UTRN: variants seen among roughly 807,000 people sequenced by gnomAD.
The protein encoded by UTRN is utrophin.
A neutral mutation model predicts 463.9 loss-of-function variants in UTRN; 283 were observed. The ratio of observed to expected loss-of-function variants is 0.61; its 90% CI spans 0.55 to 0.67. The LOEUF (loss-of-function observed/expected upper bound fraction) is 0.67. Ranked by LOEUF, UTRN falls within the 30% of genes least tolerant of loss-of-function variation. The pLI is 0.00. For missense variants in UTRN, 3,922 were observed against 4,084.3 expected (o/e 0.96, Z 1.08); for synonymous variants, 1,442 against 1,431.5 (o/e 1.01, Z -0.17).
At chr6:144,559,713 A>C (rs1011963932) in intron 50 of UTRN, among the ~76,000 whole-genome samples, 2 of 151,874 alleles carry the variant, frequency 1.3e-5, no homozygotes, top group Non-Finnish European at 2.9e-5. Flanking sequence ...TCATCTTCCC[A>C]TGAAATTTTA....
intron 19 of UTRN, among the ~76,000 whole-genome samples, chr6:144,456,746 T>C (rs1788871939): frequency 6.6e-6 from 1 of 151,708 alleles, no homozygotes; most frequent in African/African-American, 2.4e-5. Flanking sequence ...TACTTGGTTT[T>C]CTTCGTTTAG....
chr6:144,730,408 G>A lies in UTRN; in HGVS notation c.7861G>A (p.Asp2621Asn), dbSNP rs372229603. The part of the protein sequence containing the change: ...EKEYSVLNAV[D>N]QARVFLADQP... Reference sequence around the variant, plus strand: ...AGAATATTCTGTCCTGAATGCTGTCGACCAGGCCCGAGTTTTCTTGGCTGA... The same window carrying A: ...AGAATATTCTGTCCTGAATGCTGTCAACCAGGCCCGAGTTTTCTTGGCTGA... Residue 2621 changes from aspartate (D) to asparagine (N), a missense_variant, in exon 54 of 75, where the codon GAC becomes AAC. This residue lies in a region of UTRN where 1,309 missense variants were observed against 1,452.6 expected (regional missense o/e 0.90). Transcript: ENST00000367545. 3.1e-6 allele frequency: 5 copies of A among 1,612,010 alleles called. No individual in the cohort carries two copies. The highest frequency in any genetic ancestry group is 1.1e-5 in the South Asian group (1 of 90,886).
intron 34 of UTRN, among the ~76,000 whole-genome samples, chr6:144,505,367 C>T (rs1794609370): frequency 6.6e-6 from 1 of 152,216 alleles, no homozygotes; most frequent in South Asian, 2.1e-4. Context: ...TTAGATCTTT[C>T]CTGCTTTCTC....
intron 58 of UTRN, among the ~76,000 whole-genome samples, chr6:144,763,094 G>A (rs903443970): frequency 1.1e-4 from 17 of 152,046 alleles, no homozygotes; most frequent in African/African-American, 3.9e-4. Context: ...TAAATACAAT[G>A]TACAATATCA....
intron 2 of UTRN, among the ~76,000 whole-genome samples, chr6:144,343,748 A>C (rs1324484516): frequency 6.6e-6 from 1 of 152,162 alleles, no homozygotes; most frequent in Non-Finnish European, 1.5e-5. Flanking sequence ...ATAGTGAAAT[A>C]ATAAGTCCAA....
At chr6:144,411,199 C>G (rs1429674933) in intron 3 of UTRN, among the ~76,000 whole-genome samples, 1 of 152,198 alleles carries the variant, frequency 6.6e-6, no homozygotes, top group African/African-American at 2.4e-5. Context: ...GTTCCCTTTT[C>G]ACTGCATCCT....
chr6:144,413,792 T>TTATATTATAATAAATTTATA (rs1192655789), intron 3 of UTRN, among the ~76,000 whole-genome samples: 3 of 152,086 alleles, frequency 2.0e-5, no homozygotes, highest in African/African-American at 7.2e-5. Flanking sequence ...TATTATAAAT[T>TTATATTATAATAAATTTATA]TATCATTATT....
chr6:144,696,554 T>TAATATG (rs1784021126), intron 52 of UTRN, among the ~76,000 whole-genome samples: 1 of 152,208 alleles, frequency 6.6e-6, no homozygotes, highest in Admixed American at 6.5e-5. Context: ...TCTTAATTCC[T>TAATATG]TTCCTGGGAG....
chr6:144,826,175 A>G (rs922107878), intron 66 of UTRN, among the ~76,000 whole-genome samples: 8 of 151,678 alleles, frequency 5.3e-5, no homozygotes, highest in African/African-American at 1.9e-4. Context: ...TAAATAAATA[A>G]ATAAATAAAT....
At chr6:144,304,278 C>T (rs1301138475) in intron 2 of UTRN, among the ~76,000 whole-genome samples, 1 of 152,102 alleles carries the variant, frequency 6.6e-6, no homozygotes, top group African/African-American at 2.4e-5. Flanking sequence ...TGCAAGCATT[C>T]TTGGGTTGTC....
intron 2 of UTRN, among the ~76,000 whole-genome samples, chr6:144,343,411 A>ACACACACACACACACAC (rs1562270899): frequency 7.9e-6 from 1 of 126,114 alleles, no homozygotes; most frequent in African/African-American, 3.6e-5. Flanking sequence ...CACACACACA[A>ACACACACACACACACAC]TAGCCGGGCA....
intron 50 of UTRN, among the ~76,000 whole-genome samples, chr6:144,576,721 A>G (rs1265391803): frequency 6.6e-6 from 1 of 152,210 alleles, no homozygotes; most frequent in Non-Finnish European, 1.5e-5. Flanking sequence ...GACTGTATGA[A>G]TATTTAATCC....
intron 52 of UTRN, among the ~76,000 whole-genome samples, chr6:144,695,760 C>A (rs144364617): frequency 6.6e-6 from 1 of 152,198 alleles, no homozygotes. Flanking sequence ...TGATTTGAAA[C>A]GTCAGCTAGA....
At chr6:144,647,319 A>G (rs1191506392) in intron 51 of UTRN, among the ~76,000 whole-genome samples, 2 of 152,202 alleles carry the variant, frequency 1.3e-5, no homozygotes, top group Admixed American at 1.3e-4. Context: ...ATAATTTTTC[A>G]TGTATTTTCA....
chr6:144,824,431 C>CAATGTATATATATGCACTATGTATATAT (rs149467521), intron 66 of UTRN, among the ~76,000 whole-genome samples: 1 of 112,674 alleles, frequency 8.9e-6, no homozygotes, highest in African/African-American at 3.6e-5. Flanking sequence ...CACACACACA[C>CAATGTATATATATGCACTATGTATATAT]ATTGTATATA....
Position 144,521,519 on chromosome 6 carries a change from G to A in UTRN, c.5542-461G>A, listed in dbSNP as rs151227647. Among the ~76,000 whole-genome samples the A allele has an allele frequency of 5.0e-3, 768 of 152,224 alleles. 15 individuals carry two copies. The highest frequency in any genetic ancestry group is 0.029 in the Admixed American group (449 of 15,284). ...AATCAAAACCCTTTGTGCATTTCAT[G>A]TTGTGTTATGGAAACATGTTTAACT... On this transcript the variant is annotated intron_variant, in intron 39 of 74. Coordinates refer to ENST00000367545, the MANE Select transcript of UTRN (RefSeq NM_007124.3).
intron 51 of UTRN, among the ~76,000 whole-genome samples, chr6:144,626,440 G>A (rs924373284): frequency 1.3e-5 from 2 of 152,170 alleles, no homozygotes; most frequent in Admixed American, 6.5e-5. Flanking sequence ...GACCTCAAAC[G>A]TGAATCCGCT....
chr6:144,449,707 A>G (rs1788061266), intron 17 of UTRN, among the ~76,000 whole-genome samples: 1 of 152,194 alleles, frequency 6.6e-6, no homozygotes, highest in African/African-American at 2.4e-5. Flanking sequence ...TTCATAGTTC[A>G]CCAGAAACAC....
chr6:144,384,232 A>G (rs897586423), intron 2 of UTRN, among the ~76,000 whole-genome samples: 1 of 152,160 alleles, frequency 6.6e-6, no homozygotes, highest in Non-Finnish European at 1.5e-5. Flanking sequence ...ACAGGTCGCT[A>G]CTAGTCTGTT....
Sources: gnomAD v4.1 joint callset for allele counts (sites outside exome capture counted in the v4.1 genomes callset) on GRCh38, gnomAD v4.1.1 for gene constraint, gnomAD v4.1.1 regional missense constraint, MANE v1.5 for transcripts, NCBI Gene and HGNC (gene_info 2026-07-23, HGNC 2026-07-21) for gene names.